Variants in B3GNT4 observed in about 807,000 individuals in gnomAD.
The protein encoded by B3GNT4 is UDP-GlcNAc:betaGal beta-1,3-N-acetylglucosaminyltransferase 4.
B3GNT4 carries 2 observed loss-of-function variants against 2.7 expected under a neutral mutation model. That is an observed-to-expected ratio of 0.73 (90% confidence interval 0.30 to 2.31). The LOEUF (loss-of-function observed/expected upper bound fraction) is 2.31, where lower values mean the gene tolerates loss of function less well. Ranked by LOEUF, B3GNT4 falls within the 30% of genes most tolerant of loss-of-function variation. The probability of loss-of-function intolerance (pLI) is 0.12; values close to 1 mark genes in which losing one functional copy is unlikely to be tolerated. For missense variants in B3GNT4, 708 were observed against 490.9 expected (o/e 1.44, Z -4.18); for synonymous variants, 280 against 203.4 (o/e 1.38, Z -3.20).
rs1055561797 is a variant in B3GNT4 at position 122,208,816 on chromosome 12, A to C, written c.*1428A>C. The C allele has an allele frequency of 6.4e-6, 4 of 620,188 alleles. No homozygotes were observed. The highest frequency in any genetic ancestry group is 5.4e-5 in the African/African-American group (3 of 55,460). 38.4% of individuals were successfully genotyped at this position (620,188 alleles called of 1,614,324 possible). A position where few individuals can be genotyped will look rare whatever the true frequency, so the allele number is the denominator to read the frequency against. ...GCTGTCAGCGGCCAACATCACAATT[A>C]TTAAATGCAACTCTCACAATCATCT... On this transcript the variant is annotated 3_prime_UTR_variant, in exon 3 of 3. Coordinates refer to ENST00000324189, the MANE Select transcript of B3GNT4 (RefSeq NM_030765.4).
Position 122,208,602 on chromosome 12 carries a change from T to C in B3GNT4, c.*1214T>C. ...CCTGCCAAAAGATGGGACAATCGGG[T>C]TGAGCAGCCGTGCAGGGCGCGGAAG... On this transcript the variant is annotated 3_prime_UTR_variant, in exon 3 of 3. Coordinates refer to ENST00000324189, the MANE Select transcript of B3GNT4 (RefSeq NM_030765.4). 1.2e-6 allele frequency: 2 copies of C among 1,608,272 alleles called. No homozygotes were observed. Among genetic ancestry groups the C allele is most frequent in the Non-Finnish European group, 1.7e-6 (2 of 1,179,486 alleles).
Position 122,207,212 on chromosome 12 carries a change from C to T in B3GNT4, c.961C>T (p.His321Tyr), listed in dbSNP as rs753266759. The T allele has an allele frequency of 6.2e-7, 1 of 1,614,032 alleles. No homozygotes were observed. Among genetic ancestry groups the T allele is most frequent in the Non-Finnish European group, 8.5e-7 (1 of 1,179,986 alleles). ...CLRRLGLSPM[H>Y]HAGFKTFGIR... ...GAGGCGGCTGGGGCTGAGCCCTATG[C>T]ACCATGCTGGCTTCAAGACATTTGG... Residue 321 changes from histidine to tyrosine, a missense_variant, in exon 3 of 3, where the codon CAC becomes TAC. Physicochemically the swap from His to Tyr is moderately conservative, Grantham distance 83 (BLOSUM62 2). Transcript: ENST00000324189.
Position 122,208,689 on chromosome 12 carries a change from T to C in B3GNT4, c.*1301T>C, listed in dbSNP as rs1228377901. The C allele has an allele frequency of 1.9e-6, 2 of 1,055,202 alleles. No homozygotes were observed. The highest frequency in any genetic ancestry group is 4.0e-5 in the Admixed American group (2 of 50,542). The allele number at this position is 1,055,202 out of a possible 1,614,324, so 65.4% of individuals were successfully genotyped here. On this transcript the variant is annotated 3_prime_UTR_variant, in exon 3 of 3. Coordinates refer to ENST00000324189, the MANE Select transcript of B3GNT4 (RefSeq NM_030765.4). ...TCATCTGAACCCCTCTTGGGGTCAC[T>C]TTCCTTGACCTCCCTGTCTTCTCTC...
Position 122,207,626 on chromosome 12 carries a change from GCGCTGCAGTCTGGGA to G in B3GNT4, c.*240_*254del. ...CGGGGCATTCCGGGCGCTGCCTGGG[GCGCTGCAGTCTGGGA>G]CCTCAAGGAAGGAGGCTGCATAGGA... On this transcript the variant is annotated 3_prime_UTR_variant, in exon 3 of 3. Coordinates refer to ENST00000324189, the MANE Select transcript of B3GNT4 (RefSeq NM_030765.4). The G allele has an allele frequency of 1.6e-6, 1 of 632,264 alleles. No individual in the cohort carries two copies. The highest frequency in any genetic ancestry group is 4.2e-4 in the Middle Eastern group (1 of 2,372). 39.2% of individuals were successfully genotyped at this position (632,264 alleles called of 1,614,324 possible). A position where few individuals can be genotyped will look rare whatever the true frequency, so the allele number is the denominator to read the frequency against.
Position 122,206,492 on chromosome 12 carries a change from A to C in B3GNT4, c.241A>C (p.Thr81Pro), listed in dbSNP as rs1470956298. The change falls in exon 3 of 3, where the codon ACA (threonine) becomes CCA (proline). Residue 81 changes from threonine (T) to proline (P), a missense_variant. By Grantham distance (38) the Thr-to-Pro change is conservative. Transcript: ENST00000324189. ...PRHSRCPPNHTVSSASLSLPS... is the reference protein window; with the variant it reads ...PRHSRCPPNHPVSSASLSLPS... The stretch of plus-strand genomic sequence containing the variant: ...TCACAGCCGGTGTCCACCCAACCAC[A>C]CAGTGTCTAGCGCCTCTCTGTCCCT... 3 of 1,614,072 alleles carry C rather than the reference A, an allele frequency of 1.9e-6. No individual in the cohort carries two copies. The highest frequency in any genetic ancestry group is 4.5e-5 in the East Asian group (2 of 44,860).
Position 122,207,186 on chromosome 12 carries a change from T to C in B3GNT4, c.935T>C (p.Leu312Pro), listed in dbSNP as rs957029254. 14 of 1,613,892 alleles carry C rather than the reference T, an allele frequency of 8.7e-6. No individual in the cohort carries two copies. The highest frequency in any genetic ancestry group is 8.3e-5 in the Admixed American group (5 of 59,984). ...PIDDVFVGMC[L>P]RRLGLSPMHH... ...GATGATGTCTTTGTGGGTATGTGCC[T>C]GAGGCGGCTGGGGCTGAGCCCTATG... The change falls in exon 3 of 3, where the codon CTG becomes CCG. Residue 312 changes from leucine to proline, a missense_variant. Coordinates refer to ENST00000324189, the MANE Select transcript of B3GNT4 (RefSeq NM_030765.4).
chr12:122,208,307 C>G lies in B3GNT4; in HGVS notation c.*919C>G. ...TCTTCTCGGTGCACAGACAGTCATG[C>G]CAACCCTGGGCAGGGTGGCATCTGC... On this transcript the variant is annotated 3_prime_UTR_variant, in exon 3 of 3. Coordinates refer to ENST00000324189, the MANE Select transcript of B3GNT4 (RefSeq NM_030765.4). 6.4e-7 allele frequency: 1 copy of G among 1,565,622 alleles called. No individual in the cohort carries two copies. Among genetic ancestry groups the G allele is most frequent in the Non-Finnish European group, 8.7e-7 (1 of 1,146,142 alleles).
rs781558278 is a variant in B3GNT4, at chr12:122,206,923, C to A, written c.672C>A (p.His224Gln). The change falls in exon 3 of 3, where the codon CAC becomes CAA. Residue 224 changes from histidine (H) to glutamine (Q), a missense_variant. Transcript: ENST00000324189. ...AGGGAGATGACGATGTCTTTGTCCA[C>A]GTCCCCAACGTGTTAGAGTTCCTGG... ...MLKGDDDVFV[H>Q]VPNVLEFLDG... The A allele has an allele frequency of 6.2e-7, 1 of 1,614,086 alleles. No individual in the cohort carries two copies. Among genetic ancestry groups the A allele is most frequent in the South Asian group, 1.1e-5 (1 of 91,084 alleles).
At position 122,206,972 on chromosome 12, in the gene B3GNT4, C is replaced by G; in HGVS notation, c.721C>G (p.Leu241Val). 1 of 1,614,082 alleles carries G rather than the reference C, an allele frequency of 6.2e-7. No individual in the cohort carries two copies. ...FLDGWDPAQDLLVGDVIRQAL... is the reference protein window; with the variant it reads ...FLDGWDPAQDVLVGDVIRQAL... Reference sequence around the variant, plus strand: ...GGATGGCTGGGACCCAGCCCAGGACCTCCTGGTGGGAGATGTCATCCGCCA... The same window carrying G: ...GGATGGCTGGGACCCAGCCCAGGACGTCCTGGTGGGAGATGTCATCCGCCA... The change falls in exon 3 of 3, where the codon CTC becomes GTC. Residue 241 changes from leucine to valine, a missense_variant. Coordinates refer to ENST00000324189, the MANE Select transcript of B3GNT4 (RefSeq NM_030765.4).
rs777020107 is a variant in B3GNT4, at chr12:122,207,249, C to T, written c.998C>T (p.Pro333Leu). Reference protein sequence around the residue: ...AGFKTFGIRRPLDPLDPCLYR... With the variant: ...AGFKTFGIRRLLDPLDPCLYR... ...TTCAAGACATTTGGAATCCGGCGGC[C>T]CCTGGACCCCTTAGACCCCTGCCTG... is the stretch of plus-strand genomic sequence containing the variant. The change falls in exon 3 of 3, where the codon CCC becomes CTC. Residue 333 changes from proline (P) to leucine (L), a missense_variant. Pro to Leu is a moderately conservative substitution (Grantham distance 98, BLOSUM62 -3). Transcript: ENST00000324189. 1.2e-6 allele frequency: 2 copies of T among 1,614,020 alleles called. No individual in the cohort carries two copies. Among genetic ancestry groups the T allele is most frequent in the African/African-American group, 1.3e-5 (1 of 74,916 alleles).
intron 2 of B3GNT4, 57 bp from the exon 3 acceptor site, chr12:122,206,261 A>G (rs1953912958): frequency 1.4e-6 from 2 of 1,425,296 alleles, no homozygotes; most frequent in South Asian, 1.4e-5. Context: ...CTCCTGCCCA[A>G]CTCTTGGGGA....
Position 122,207,640 on chromosome 12 carries a change from G to A in B3GNT4, c.*252G>A. ...CGCTGCCTGGGGCGCTGCAGTCTGG[G>A]ACCTCAAGGAAGGAGGCTGCATAGG... On this transcript the variant is annotated 3_prime_UTR_variant, in exon 3 of 3. Coordinates refer to ENST00000324189, the MANE Select transcript of B3GNT4 (RefSeq NM_030765.4). 1 of 639,272 alleles carries A rather than the reference G, an allele frequency of 1.6e-6. No individual in the cohort carries two copies. Among genetic ancestry groups the A allele is most frequent in the South Asian group, 1.6e-5 (1 of 61,226 alleles). 39.6% of individuals were successfully genotyped at this position (639,272 alleles called of 1,614,324 possible).
In B3GNT4 at chr12:122,207,151, C is replaced by CT. The variant is rs1212921026; in HGVS notation, c.902dup (p.Ile303HisfsTer2). 17 of 1,613,980 alleles carry CT rather than the reference C, an allele frequency of 1.1e-5. No individual in the cohort carries two copies. The highest frequency in any genetic ancestry group is 1.4e-5 in the Non-Finnish European group (16 of 1,180,016). On this transcript the variant is annotated frameshift_variant, in exon 3 of 3. Transcript: ENST00000324189. LOFTEE classifies it low-confidence loss of function (END_TRUNC). ...AGGCTATCATGGAAGATGCTGAACT[C>CT]TTCCCCATTGATGATGTCTTTGTGG...
Position 122,208,212 on chromosome 12 carries a change from TGA to T in B3GNT4, c.*827_*828del, listed in dbSNP as rs1389679221. Reference sequence around the variant, plus strand: ...CTAAGAACCAGGTCCAGCGCAAGCCTGAGACCACAGGAGGCACTCACAGCTCA... The same window carrying T: ...CTAAGAACCAGGTCCAGCGCAAGCCTGACCACAGGAGGCACTCACAGCTCA... On this transcript the variant is annotated 3_prime_UTR_variant, in exon 3 of 3. Coordinates refer to ENST00000324189, the MANE Select transcript of B3GNT4 (RefSeq NM_030765.4). 6 of 789,664 alleles carry T rather than the reference TGA, an allele frequency of 7.6e-6. No homozygotes were observed. Among genetic ancestry groups the T allele is most frequent in the Non-Finnish European group, 1.3e-5 (6 of 467,394 alleles). The allele number at this position is 789,664 out of a possible 1,614,324, so 48.9% of individuals were successfully genotyped here.
chr12:122,208,439 T>C lies in B3GNT4; in HGVS notation c.*1051T>C, dbSNP rs1323281887. The C allele has an allele frequency of 1.9e-6, 3 of 1,613,840 alleles. No individual in the cohort carries two copies. The African/African-American group carries it at 4.0e-5, about 22-fold the overall frequency. On this transcript the variant is annotated 3_prime_UTR_variant, in exon 3 of 3. Transcript: ENST00000324189. ...CTCAGCCCGCTCCTCCCCTTCCTCCTGTGTTTTCTGACGGAGCTCTTCTAT... is the reference window on the plus strand; with the variant it reads ...CTCAGCCCGCTCCTCCCCTTCCTCCCGTGTTTTCTGACGGAGCTCTTCTAT...
In B3GNT4 at chr12:122,204,691, T is replaced by C; in HGVS notation, c.66+7T>C. On this transcript the variant is annotated splice_region_variant and intron_variant, in intron 2 of 2. Transcript: ENST00000324189. ...GAGTGGCCTTTTACCAAAGGTCAGATTCTTTCACCGCCTCTGCCAGACCCC... is the reference window on the plus strand; with the variant it reads ...GAGTGGCCTTTTACCAAAGGTCAGACTCTTTCACCGCCTCTGCCAGACCCC... 1 of 1,604,580 alleles carries C rather than the reference T, an allele frequency of 6.2e-7. No individual in the cohort carries two copies. The highest frequency in any genetic ancestry group is 1.3e-5 in the African/African-American group (1 of 74,904).
Position 122,207,230 on chromosome 12 carries a change from A to C in B3GNT4, c.979A>C (p.Thr327Pro). ...LSPMHHAGFK[T>P]FGIRRPLDPL... Reference sequence around the variant, plus strand: ...CCCTATGCACCATGCTGGCTTCAAGACATTTGGAATCCGGCGGCCCCTGGA... The same window carrying C: ...CCCTATGCACCATGCTGGCTTCAAGCCATTTGGAATCCGGCGGCCCCTGGA... The change falls in exon 3 of 3, where the codon ACA (threonine) becomes CCA (proline). Residue 327 changes from threonine to proline, a missense_variant. Transcript: ENST00000324189. The C allele has an allele frequency of 1.2e-6, 2 of 1,613,988 alleles. No homozygotes were observed. The highest frequency in any genetic ancestry group is 1.7e-6 in the Non-Finnish European group (2 of 1,180,006).
chr12:122,208,236 C>A lies in B3GNT4; in HGVS notation c.*848C>A. Reference sequence around the variant, plus strand: ...CTGAGACCACAGGAGGCACTCACAGCTCACAAAGGCGTCTCGCCTGATTGG... The same window carrying A: ...CTGAGACCACAGGAGGCACTCACAGATCACAAAGGCGTCTCGCCTGATTGG... On this transcript the variant is annotated 3_prime_UTR_variant, in exon 3 of 3. Transcript: ENST00000324189. 1 of 941,432 alleles carries A rather than the reference C, an allele frequency of 1.1e-6. No individual in the cohort carries two copies. The highest frequency in any genetic ancestry group is 1.7e-6 in the Non-Finnish European group (1 of 603,674). 58.3% of individuals were successfully genotyped at this position (941,432 alleles called of 1,614,324 possible).
rs1953967976 is a variant in B3GNT4, at chr12:122,208,006, TTTGACGACGTAAATAAGACTG to T, written c.*619_*639del. On this transcript the variant is annotated 3_prime_UTR_variant, in exon 3 of 3. Coordinates refer to ENST00000324189, the MANE Select transcript of B3GNT4 (RefSeq NM_030765.4). Reference sequence around the variant, plus strand: ...CAGAGGGAACAAGTACTAAATCATTTTTGACGACGTAAATAAGACTGAAAACAGGTTAAACAGTTGCTGAAC... The same window carrying T: ...CAGAGGGAACAAGTACTAAATCATTTAAAACAGGTTAAACAGTTGCTGAAC... 15 of 485,038 alleles carry T rather than the reference TTTGACGACGTAAATAAGACTG, an allele frequency of 3.1e-5. No homozygotes were observed. Among genetic ancestry groups the T allele is most frequent in the Non-Finnish European group, 3.2e-5 (8 of 248,186 alleles). The allele number at this position is 485,038 out of a possible 1,614,324, so 30.0% of individuals were successfully genotyped here.
Sources: allele counts gnomAD v4.1 joint callset, GRCh38; gene constraint gnomAD v4.1.1; transcripts MANE v1.5; gene names NCBI Gene and HGNC (gene_info 2026-07-23, HGNC 2026-07-21).